The following BLTP3B variants were observed in gnomAD, a reference collection of about 807,000 sequenced individuals.
BLTP3B encodes UHRF1 (ICBP90) binding protein 1-like.
chr12:100,090,793 T>G, the BLTP3B span, among the ~76,000 whole-genome samples: 2 of 152,188 alleles, frequency 1.3e-5, no homozygotes, highest in African/African-American at 4.8e-5. Flanking sequence ...TTTCCCATTT[T>G]CAAAGCTATA....
the BLTP3B span, among the ~76,000 whole-genome samples, chr12:100,109,876 T>A: frequency 6.6e-6 from 1 of 152,204 alleles, no homozygotes; most frequent in Admixed American, 6.6e-5. Flanking sequence ...TTCATTTAGT[T>A]CCCATGATAA....
At chr12:100,040,431 C>T in the BLTP3B span, among the ~76,000 whole-genome samples, 1 of 152,166 alleles carries the variant, frequency 6.6e-6, no homozygotes, top group Admixed American at 6.5e-5. Context: ...CCTATAATCC[C>T]AGCACTTTGG....
chr12:100,067,770 A>C, the BLTP3B span, among the ~76,000 whole-genome samples: 1 of 152,186 alleles, frequency 6.6e-6, no homozygotes, highest in Non-Finnish European at 1.5e-5. Flanking sequence ...TAACCAAGGA[A>C]GTAAAAGACC....
At chr12:100,116,463 A>G in the BLTP3B span, among the ~76,000 whole-genome samples, 10 of 150,414 alleles carry the variant, frequency 6.6e-5, no homozygotes, top group South Asian at 2.1e-4. Flanking sequence ...AAAAAAAAAA[A>G]AAAGAAAAGA....
chr12:100,124,857 A>G, the BLTP3B span, among the ~76,000 whole-genome samples: 1 of 148,028 alleles, frequency 6.8e-6, no homozygotes. Flanking sequence ...AGGAGTTAAA[A>G]GTTGCATTGA....
At chr12:100,047,468 A>C in the BLTP3B span, 5 of 1,278,062 alleles carry the variant, frequency 3.9e-6, no homozygotes, top group Non-Finnish European at 5.6e-6. Context: ...CATTGCACTC[A>C]AGCCTGGGCA....
At chr12:100,058,887 G>T in the BLTP3B span, 1 of 1,613,822 alleles carries the variant, frequency 6.2e-7, no homozygotes, top group Middle Eastern at 1.6e-4. Flanking sequence ...CGAGGAAGGG[G>T]AAAATCTGAA....
At chr12:100,065,851 T>C in the BLTP3B span, among the ~76,000 whole-genome samples, 2 of 152,302 alleles carry the variant, frequency 1.3e-5, no homozygotes, top group East Asian at 3.9e-4. Flanking sequence ...TTTTGCCCTT[T>C]GAAGCATGTC....
the BLTP3B span, among the ~76,000 whole-genome samples, chr12:100,137,658 T>C: frequency 6.4e-3 from 976 of 152,224 alleles, 10 homozygotes; most frequent in African/African-American, 0.022. Context: ...ATTTGTAGAC[T>C]CCGTATTTCC....
chr12:100,088,617 G>A, the BLTP3B span, among the ~76,000 whole-genome samples: 3 of 152,124 alleles, frequency 2.0e-5, no homozygotes, highest in Non-Finnish European at 4.4e-5. Context: ...ATTCAAAGGC[G>A]AGTCTAATAT....
the BLTP3B span, among the ~76,000 whole-genome samples, chr12:100,121,738 A>C: frequency 6.6e-6 from 1 of 152,052 alleles, no homozygotes; most frequent in East Asian, 1.9e-4. Flanking sequence ...CTGAGGCAGG[A>C]GAATTGCTTG....
chr12:100,132,298 AT>A, the BLTP3B span, among the ~76,000 whole-genome samples: 1 of 152,188 alleles, frequency 6.6e-6, no homozygotes, highest in East Asian at 1.9e-4. Flanking sequence ...AATATGGTTT[AT>A]TTGTCCCCAC....
the BLTP3B span, among the ~76,000 whole-genome samples, chr12:100,091,420 C>T: frequency 1.3e-5 from 2 of 151,690 alleles, no homozygotes; most frequent in African/African-American, 4.8e-5. Flanking sequence ...AAACTCCTGA[C>T]CTTGGGATCT....
At chr12:100,050,953 C>A in the BLTP3B span, 9 of 1,293,708 alleles carry the variant, frequency 7.0e-6, no homozygotes, top group Non-Finnish European at 9.3e-6. Context: ...ACAAAAGCTG[C>A]AAATTGAATT....
the BLTP3B span, among the ~76,000 whole-genome samples, chr12:100,078,589 C>A: frequency 1.3e-5 from 2 of 152,124 alleles, no homozygotes; most frequent in African/African-American, 4.8e-5. Flanking sequence ...ACCAATTCAC[C>A]TAGAGATTGA....
chr12:100,116,937 G>A, the BLTP3B span, among the ~76,000 whole-genome samples: 2 of 152,164 alleles, frequency 1.3e-5, no homozygotes, highest in African/African-American at 4.8e-5. Context: ...TGAAGGGACA[G>A]AGGAGCCGTA....
the BLTP3B span, among the ~76,000 whole-genome samples, chr12:100,134,684 A>G: frequency 6.6e-6 from 1 of 151,898 alleles, no homozygotes; most frequent in Non-Finnish European, 1.5e-5. Flanking sequence ...ATCTTCTCCC[A>G]TAAGCCTGCT....
the BLTP3B span, chr12:100,059,528 G>A: frequency 1.3e-6 from 2 of 1,586,008 alleles, no homozygotes; most frequent in Admixed American, 3.7e-5. Context: ...CAGAAGGAAT[G>A]ACAAACTAGA....
At chr12:100,122,665 T>C in the BLTP3B span, among the ~76,000 whole-genome samples, 1 of 152,234 alleles carries the variant, frequency 6.6e-6, no homozygotes, top group Non-Finnish European at 1.5e-5. Flanking sequence ...AATAAAACTT[T>C]GTTTCCAAAA....
Sources: allele counts gnomAD v4.1 joint callset (sites outside exome capture counted in the v4.1 genomes callset), GRCh38; gene constraint gnomAD v4.1.1; transcripts MANE v1.5; gene names NCBI Gene and HGNC (gene_info 2026-07-23, HGNC 2026-07-21).